CACNA1C: variants seen among roughly 807,000 people sequenced by gnomAD.
The protein encoded by CACNA1C is calcium voltage-gated channel subunit alpha1 C, also known as voltage-dependent L-type calcium channel subunit alpha-1C.
In CACNA1C, 30 loss-of-function variants were observed where a neutral mutation model predicts 229.0. The observed-to-expected ratio is 0.13, with a 90% confidence interval of 0.10 to 0.18. The LOEUF is 0.18. Among genes scored for constraint, CACNA1C ranks in the 10% least tolerant of loss-of-function variants. The probability of loss-of-function intolerance (pLI) is 1.00; values close to 1 mark genes in which losing one functional copy is unlikely to be tolerated. For synonymous variants in CACNA1C, 1,114 were observed against 1,132.5 expected (o/e 0.98, Z 0.33); for missense variants, 1,658 against 2,845.0 (o/e 0.58, Z 9.49).
intron 3 of CACNA1C, among the ~76,000 whole-genome samples, chr12:2,334,555 A>T (rs1166243034): frequency 1.3e-5 from 2 of 152,200 alleles, no homozygotes; most frequent in Non-Finnish European, 2.9e-5. Context: ...CCATAGTCCC[A>T]GTGACTCAGG....
rs530420109 is a variant in CACNA1C, at chr12:2,601,728, C to T, written c.2854-126C>T. 1.4e-6 allele frequency: 1 copy of T among 720,330 alleles called. No homozygotes were observed. The highest frequency in any genetic ancestry group is 2.6e-6 in the Non-Finnish European group (1 of 388,162). The allele number at this position is 720,330 out of a possible 1,614,324, so 44.6% of individuals were successfully genotyped here. On this transcript the variant is annotated intron_variant, in intron 21 of 46. Coordinates refer to ENST00000399655, the MANE Select transcript of CACNA1C (RefSeq NM_000719.7). This position sits in a 1 kb window ranked among gnomAD's most constrained non-coding sequence, Gnocchi z 5.9. ...GCACCATAGCGCCGTCTTTGTCCTT[C>T]CTGTTCCCCATGGATGGTGCTTGGG...
intron 3 of CACNA1C, among the ~76,000 whole-genome samples, chr12:2,172,701 A>G (rs891578229): frequency 3.3e-5 from 5 of 152,220 alleles, no homozygotes; most frequent in African/African-American, 9.6e-5. Flanking sequence ...CAGAATAGTG[A>G]TAGGATTAGG....
At chr12:2,019,538 G>C (rs1160235243) in intron 1 of CACNA1C, among the ~76,000 whole-genome samples, 1 of 148,018 alleles carries the variant, frequency 6.8e-6, no homozygotes, top group Non-Finnish European at 1.5e-5. Context: ...GAAAAGAAAG[G>C]AAGGAAGGAA....
At chr12:2,473,137 TC>T (rs1488981709) in intron 5 of CACNA1C, among the ~76,000 whole-genome samples, 1 of 152,216 alleles carries the variant, frequency 6.6e-6, no homozygotes, top group Non-Finnish European at 1.5e-5. Context: ...CACTGCTTTT[TC>T]CCCAGCACTG....
chr12:2,312,742 C>T (rs2095502008), intron 3 of CACNA1C, among the ~76,000 whole-genome samples: 1 of 152,032 alleles, frequency 6.6e-6, no homozygotes, highest in African/African-American at 2.4e-5. Flanking sequence ...CAACATTATC[C>T]CCCAATGTTG....
At chr12:2,433,393 C>T (rs1374660539) in intron 3 of CACNA1C, among the ~76,000 whole-genome samples, 1 of 152,104 alleles carries the variant, frequency 6.6e-6, no homozygotes, top group Non-Finnish European at 1.5e-5. Context: ...TTGGCTAAGA[C>T]AATAGAAGCC....
At chr12:2,087,638 A>G (rs1179342644) in intron 1 of CACNA1C, among the ~76,000 whole-genome samples, 2 of 152,254 alleles carry the variant, frequency 1.3e-5, no homozygotes, top group East Asian at 3.8e-4. Context: ...AAAAAATCAT[A>G]AATTCCAGAA....
upstream of CACNA1C, among the ~76,000 whole-genome samples, chr12:2,052,851 C>T (rs867885407): frequency 0.01 from 1,513 of 145,490 alleles, 14 homozygotes; most frequent in Non-Finnish European, 0.017. Flanking sequence ...CGCGCCGCCG[C>T]AGCCACATCT....
At chr12:2,050,402 AT>A (rs1446058044), upstream of CACNA1C, among the ~76,000 whole-genome samples, 2 of 152,202 alleles carry the variant, frequency 1.3e-5, no homozygotes, top group African/African-American at 4.8e-5. Context: ...CGCAGTGAGG[AT>A]TAAATAAGAT....
At chr12:2,001,474 A>C (rs1277586496) in intron 1 of CACNA1C, among the ~76,000 whole-genome samples, 1 of 152,206 alleles carries the variant, frequency 6.6e-6, no homozygotes, top group African/African-American at 2.4e-5. Flanking sequence ...ATGGAATATA[A>C]AATAGTGCTG....
Position 2,691,372 on chromosome 12 carries a change from G to T in CACNA1C, c.*173G>T. ...TGCGCGAGCCGCCCTCCGGGAGGAA[G>T]GCGCCCGGCTGCGTCTGCAGAGGCG... is the stretch of plus-strand genomic sequence containing the variant. On this transcript the variant is annotated 3_prime_UTR_variant, in exon 47 of 47. Transcript: ENST00000399655. 1 of 662,836 alleles carries T rather than the reference G, an allele frequency of 1.5e-6. No homozygotes were observed. The highest frequency in any genetic ancestry group is 2.2e-6 in the Non-Finnish European group (1 of 457,760). 41.1% of individuals were successfully genotyped at this position (662,836 alleles called of 1,614,324 possible).
chr12:2,483,675 A>T (rs1267824481), intron 5 of CACNA1C, among the ~76,000 whole-genome samples: 1 of 152,190 alleles, frequency 6.6e-6, no homozygotes, highest in African/African-American at 2.4e-5. Flanking sequence ...AGCCTAGGAG[A>T]TCAGTTTTCT....
At chr12:2,652,138 C>T (rs556904301) in intron 32 of CACNA1C, among the ~76,000 whole-genome samples, 5 of 152,330 alleles carry the variant, frequency 3.3e-5, no homozygotes, top group South Asian at 4.1e-4. Context: ...ACCTGGTGAC[C>T]GCTATGGCCC....
rs377369613 is a variant in CACNA1C, at chr12:2,513,086, C to T, written c.1390+102C>T. The T allele has an allele frequency of 8.2e-4, 715 of 872,960 alleles. 2 individuals are homozygous for T. The highest frequency in any genetic ancestry group is 1.4e-3 in the Admixed American group (49 of 36,252). 54.1% of individuals were successfully genotyped at this position (872,960 alleles called of 1,614,324 possible). On this transcript the variant is annotated intron_variant, in intron 9 of 46. Transcript: ENST00000399655. ...TGACCGCCACCCTTTCTTAGAAGCC[C>T]ACGGGGTGCCTTCCTGGAGCAGCAG... is the stretch of plus-strand genomic sequence containing the variant.
chr12:2,663,187 G>C (rs1224289019), intron 34 of CACNA1C, among the ~76,000 whole-genome samples: 1 of 152,144 alleles, frequency 6.6e-6, no homozygotes, highest in African/African-American at 2.4e-5. Flanking sequence ...AATAATACCA[G>C]AGACAACCCA....
rs1035422381 is a variant in CACNA1C at position 2,052,998 on chromosome 12, G to T, written c.-565G>T. ...CTCGCGCGCCCGGTGTCTCCCTCTCGCTGCCTCTGCAGAAACAGCTCCTGC... is the reference window on the plus strand; with the variant it reads ...CTCGCGCGCCCGGTGTCTCCCTCTCTCTGCCTCTGCAGAAACAGCTCCTGC... On this transcript the variant is annotated 5_prime_UTR_variant, in exon 1 of 47. Transcript: ENST00000399655. 2.0e-6 allele frequency: 2 copies of T among 983,616 alleles called. No individual in the cohort carries two copies. The highest frequency in any genetic ancestry group is 1.2e-4 in the Admixed American group (2 of 16,128). The allele number at this position is 983,616 out of a possible 1,614,324, so 60.9% of individuals were successfully genotyped here. A position where few individuals can be genotyped will look rare whatever the true frequency, so the allele number is the denominator to read the frequency against.
chr12:2,464,123 T>C (rs2099534363), intron 5 of CACNA1C, among the ~76,000 whole-genome samples: 1 of 152,128 alleles, frequency 6.6e-6, no homozygotes, highest in East Asian at 1.9e-4. Context: ...ATGAGAAAGA[T>C]GTGTAGGGTC....
chr12:2,169,434 T>C (rs572423507), intron 3 of CACNA1C, among the ~76,000 whole-genome samples: 38 of 152,282 alleles, frequency 2.5e-4, no homozygotes, highest in Admixed American at 2.3e-3. Flanking sequence ...ACCAGCATGA[T>C]TGAGAAAACA....
rs138718348 is a variant in CACNA1C, at chr12:2,056,196, A to AGT, written c.49+2626_49+2627dup. On this transcript the variant is annotated intron_variant, in intron 1 of 46. Coordinates refer to ENST00000399655, the MANE Select transcript of CACNA1C (RefSeq NM_000719.7). ...GTGTGTGCATGTGTGAGTGTGTGTG[A>AGT]GTGTGTGTGTGTGTGTGTGTGTGTG... Among the ~76,000 whole-genome samples the AGT allele has an allele frequency of 6.4e-3, 940 of 146,116 alleles. 12 individuals are homozygous for AGT. Among genetic ancestry groups the AGT allele is most frequent in the East Asian group, 0.027 (133 of 4,978 alleles).
Sources: allele counts gnomAD v4.1 joint callset (sites outside exome capture counted in the v4.1 genomes callset), GRCh38; gene constraint gnomAD v4.1.1; non-coding constraint Gnocchi (gnomAD v3.1); transcripts MANE v1.5; gene names NCBI Gene and HGNC (gene_info 2026-07-23, HGNC 2026-07-21).